MFHAS1: variants seen among roughly 807,000 people sequenced by gnomAD.
MFHAS1 encodes the protein multifunctional ROCO family signaling regulator 1.
Under a neutral mutation model 70.4 loss-of-function variants are expected in MFHAS1, and 50 were observed. The observed-to-expected ratio is 0.71, with a 90% CI of 0.57 to 0.90. The LOEUF (loss-of-function observed/expected upper bound fraction) is 0.90, where lower values mean the gene tolerates loss of function less well. MFHAS1 is among the 40% of genes least tolerant of loss of function. MFHAS1 has a pLI of 0.00. For missense variants in MFHAS1, 1,795 were observed against 1,347.6 expected, an observed-to-expected ratio of 1.33 and a Z score of -5.20; for synonymous variants, 952 against 620.0, an observed-to-expected ratio of 1.54 and a Z score of -7.96.
intron 1 of MFHAS1, among the ~76,000 whole-genome samples, chr8:8,869,076 C>T (rs1048363082): frequency 3.3e-5 from 5 of 152,006 alleles, no homozygotes; most frequent in Admixed American, 6.6e-5. Context: ...AGGAGGAAGG[C>T]AAAAAGAGGG....
At chr8:8,811,617 C>T (rs1480012419) in intron 1 of MFHAS1, among the ~76,000 whole-genome samples, 1 of 152,206 alleles carries the variant, frequency 6.6e-6, no homozygotes, top group East Asian at 1.9e-4. Context: ...TAACGTCCAC[C>T]TGACGCATAC....
chr8:8,818,529 A>T (rs936737115), intron 1 of MFHAS1, among the ~76,000 whole-genome samples: 4 of 152,196 alleles, frequency 2.6e-5, no homozygotes, highest in African/African-American at 9.7e-5. Context: ...TGTGGAACTG[A>T]CTTAGCCTCC....
In MFHAS1 at chr8:8,843,764, A is replaced by G. The variant is rs149216588; in HGVS notation, c.2999-46273T>C. ...CCCTGCACCTGCTCCCATAAACATC[A>G]GCGAACTCATCCCTATCTTACAGGC... On this transcript the variant is annotated intron_variant, in intron 1 of 2. Transcript: ENST00000276282. Among the ~76,000 whole-genome samples, 19 of 152,272 alleles carry G rather than the reference A, an allele frequency of 1.2e-4. No homozygotes were observed. The East Asian group carries it at 3.5e-3, about 28-fold the overall frequency.
At chr8:8,871,787 G>A (rs73524015) in intron 1 of MFHAS1, among the ~76,000 whole-genome samples, 17,477 of 152,236 alleles carry the variant, frequency 0.11, 1,518 homozygotes, top group African/African-American at 0.24. Flanking sequence ...GGGCTCAGAT[G>A]TATGAATGGC....
At chr8:8,878,340 G>A (rs763998000) in intron 1 of MFHAS1, among the ~76,000 whole-genome samples, 27 of 152,152 alleles carry the variant, frequency 1.8e-4, no homozygotes, top group Non-Finnish European at 3.7e-4. Context: ...ATTTCTAAAT[G>A]TCAATTTCTC....
In MFHAS1 at chr8:8,784,108, A is replaced by G. The variant is rs974043596; in HGVS notation, c.*1914T>C. 1 of 152,176 alleles carries G rather than the reference A, an allele frequency of 6.6e-6. No homozygotes were observed. Among genetic ancestry groups the G allele is most frequent in the Non-Finnish European group, 1.5e-5 (1 of 68,026 alleles). The allele number at this position is 152,176 out of a possible 1,614,324, so 9.4% of individuals were successfully genotyped here. Reference sequence around the variant, plus strand: ...CAAAGGAGCATTTTTGTCATTTAATATGGTCCCCGGGGAGTTAGCCCAAAA... The same window carrying G: ...CAAAGGAGCATTTTTGTCATTTAATGTGGTCCCCGGGGAGTTAGCCCAAAA... On this transcript the variant is annotated 3_prime_UTR_variant, in exon 3 of 3. Transcript: ENST00000276282.
At chr8:8,796,970 TG>T (rs565153951) in intron 2 of MFHAS1, among the ~76,000 whole-genome samples, 5 of 152,112 alleles carry the variant, frequency 3.3e-5, no homozygotes. Flanking sequence ...CACTCCAGCC[TG>T]GGTGACAGAG....
At chr8:8,879,658 A>T (rs945392624) in intron 1 of MFHAS1, among the ~76,000 whole-genome samples, 3 of 152,164 alleles carry the variant, frequency 2.0e-5, no homozygotes, top group African/African-American at 7.2e-5. Context: ...CCCCAAAGTA[A>T]CATTCAAATA....
rs530701564 is a variant in MFHAS1 at position 8,837,415 on chromosome 8, G to A, written c.2999-39924C>T. Among the ~76,000 whole-genome samples, 7 of 152,286 alleles carry A rather than the reference G, an allele frequency of 4.6e-5. No homozygotes were observed. In the South Asian group the frequency reaches 1.0e-3, roughly 23 times the overall value. Reference sequence around the variant, plus strand: ...CAACACTTTGGGAGGCAAGGCGGGCGGATCACTTGAGAGATCAGGAGTTCG... The same window carrying A: ...CAACACTTTGGGAGGCAAGGCGGGCAGATCACTTGAGAGATCAGGAGTTCG... On this transcript the variant is annotated intron_variant, in intron 1 of 2. Coordinates refer to ENST00000276282, the MANE Select transcript of MFHAS1 (RefSeq NM_004225.3).
chr8:8,807,013 A>C (rs2117275287), intron 1 of MFHAS1, among the ~76,000 whole-genome samples: 1 of 152,166 alleles, frequency 6.6e-6, no homozygotes, highest in African/African-American at 2.4e-5. Flanking sequence ...TTGAAGCTTC[A>C]ATGAGGTGGT....
chr8:8,861,933 T>C (rs1808678414), intron 1 of MFHAS1, among the ~76,000 whole-genome samples: 2 of 152,244 alleles, frequency 1.3e-5, no homozygotes, highest in Non-Finnish European at 2.9e-5. Flanking sequence ...CCACAATGTG[T>C]TTATCTGTGC....
intron 1 of MFHAS1, 28 bp from the exon 2 acceptor site, chr8:8,797,519 A>C (rs774270863): frequency 6.2e-7 from 1 of 1,603,482 alleles, no homozygotes; most frequent in South Asian, 1.1e-5. Flanking sequence ...AAAACGTGTT[A>C]GGGAGATGTG....
intron 1 of MFHAS1, among the ~76,000 whole-genome samples, chr8:8,848,488 G>C (rs1808116197): frequency 6.6e-6 from 1 of 151,712 alleles, no homozygotes; most frequent in African/African-American, 2.4e-5. Flanking sequence ...TTAACATAAA[G>C]AGACACACGT....
At chr8:8,796,508 C>T (rs943860663) in intron 2 of MFHAS1, among the ~76,000 whole-genome samples, 13 of 149,092 alleles carry the variant, frequency 8.7e-5, no homozygotes, top group Non-Finnish European at 1.5e-4. Context: ...AGGGTGAAAC[C>T]CCGTCTCTAC....
chr8:8,846,967 T>C (rs1156344136), intron 1 of MFHAS1, among the ~76,000 whole-genome samples: 1 of 152,192 alleles, frequency 6.6e-6, no homozygotes, highest in Non-Finnish European at 1.5e-5. Flanking sequence ...ATTATGCATC[T>C]ACTATATGCC....
intron 1 of MFHAS1, among the ~76,000 whole-genome samples, chr8:8,801,881 G>A (rs1299668930): frequency 2.0e-5 from 3 of 152,182 alleles, no homozygotes; most frequent in East Asian, 3.8e-4. Context: ...TGCTGGTGGA[G>A]TTCGGAGAAG....
intron 1 of MFHAS1, among the ~76,000 whole-genome samples, chr8:8,812,476 C>T (rs750685242): frequency 6.6e-6 from 1 of 152,200 alleles, no homozygotes; most frequent in Non-Finnish European, 1.5e-5. Flanking sequence ...CCTGGAAACT[C>T]TCAAGACAGT....
At chr8:8,877,099 A>G (rs1414638514) in intron 1 of MFHAS1, among the ~76,000 whole-genome samples, 1 of 152,074 alleles carries the variant, frequency 6.6e-6, no homozygotes, top group Non-Finnish European at 1.5e-5. Flanking sequence ...CAGGAATTTG[A>G]GACCAGCCCA....
chr8:8,818,057 A>T (rs1378294119), intron 1 of MFHAS1, among the ~76,000 whole-genome samples: 1 of 152,140 alleles, frequency 6.6e-6, no homozygotes, highest in Non-Finnish European at 1.5e-5. Context: ...GACTAAGAAC[A>T]CCAAGAAATC....
Sources: gnomAD v4.1 joint callset for allele counts (sites outside exome capture counted in the v4.1 genomes callset) on GRCh38, gnomAD v4.1.1 for gene constraint, MANE v1.5 for transcripts, NCBI Gene and HGNC (gene_info 2026-07-23, HGNC 2026-07-21) for gene names.